The following P3H2 variants were observed in gnomAD, a reference collection of about 807,000 sequenced individuals.
P3H2 encodes leprecan-like 1.
Under a neutral mutation model 87.0 loss-of-function variants are expected in P3H2, and 80 were observed. The ratio of observed to expected loss-of-function variants is 0.92; its 90% CI spans 0.77 to 1.11. The LOEUF (loss-of-function observed/expected upper bound fraction) is 1.11, where lower values mean the gene tolerates loss of function less well. P3H2 is among the 50% of genes least tolerant of loss of function. The pLI is 0.00. For missense variants in P3H2, 1,001 were observed against 923.9 expected (o/e 1.08, Z -1.08); for synonymous variants, 367 against 359.3 (o/e 1.02, Z -0.24).
upstream of P3H2, chr3:190,121,508 T>C (rs938513): frequency 0.35 from 53,126 of 151,778 alleles, 9,677 homozygotes; most frequent in African/African-American, 0.47. Flanking sequence ...GCTTACCGCT[T>C]CTTCTCTTGG....
intron 1 of P3H2, among the ~76,000 whole-genome samples, chr3:190,023,570 G>A (rs1257065432): frequency 6.6e-6 from 1 of 152,092 alleles, no homozygotes; most frequent in Admixed American, 6.5e-5. Flanking sequence ...AACAGCATGG[G>A]GAAAACTGCC....
In P3H2 at chr3:190,120,751, C is replaced by G; in HGVS notation, c.-20G>C. On this transcript the variant is annotated 5_prime_UTR_variant, in exon 1 of 15. Transcript: ENST00000319332. The stretch of plus-strand genomic sequence containing the variant: ...CCGCATCCTCCGCCTCAGAGAGGCG[C>G]GGGACGGTTACGCTCGAGAGGGCTT... The G allele has an allele frequency of 6.6e-7, 1 of 1,516,702 alleles. No individual in the cohort carries two copies. The highest frequency in any genetic ancestry group is 8.8e-7 in the Non-Finnish European group (1 of 1,139,644). The allele number at this position is 1,516,702 out of a possible 1,614,324, so 94.0% of individuals were successfully genotyped here. A position where few individuals can be genotyped will look rare whatever the true frequency, so the allele number is the denominator to read the frequency against.
intron 14 of P3H2, among the ~76,000 whole-genome samples, chr3:189,962,733 A>G (rs1722855072): frequency 6.6e-6 from 1 of 152,196 alleles, no homozygotes; most frequent in African/African-American, 2.4e-5. Flanking sequence ...CTTTTGTAAA[A>G]TATGTGAAAG....
At chr3:190,115,356 T>C (rs1423566086) in intron 1 of P3H2, among the ~76,000 whole-genome samples, 1 of 151,794 alleles carries the variant, frequency 6.6e-6, no homozygotes, top group African/African-American at 2.4e-5. Flanking sequence ...GGCAAGCTTG[T>C]TTTGAGTAGA....
chr3:190,091,179 G>C (rs1727397525), intron 1 of P3H2, among the ~76,000 whole-genome samples: 1 of 152,154 alleles, frequency 6.6e-6, no homozygotes, highest in Non-Finnish European at 1.5e-5. Flanking sequence ...TTATGTGTTG[G>C]CTTTTAGTAT....
intron 8 of P3H2, 40 bp downstream of exon 8, chr3:189,983,006 C>G: frequency 6.8e-7 from 1 of 1,473,288 alleles, no homozygotes; most frequent in Non-Finnish European, 9.5e-7. Flanking sequence ...CCATCTTCCC[C>G]TTCCCCTCCT....
chr3:190,120,232 G>T lies in P3H2; in HGVS notation c.480+20C>A, dbSNP rs146592167. On this transcript the variant is annotated intron_variant, in intron 1 of 14. Transcript: ENST00000319332. ...TGAGAGCCGCAGGGGCTTTGCAGTGGAGGAGCGCTCTGTGGGTACCTTGAT... is the reference window on the plus strand; with the variant it reads ...TGAGAGCCGCAGGGGCTTTGCAGTGTAGGAGCGCTCTGTGGGTACCTTGAT... The T allele has an allele frequency of 1.9e-6, 3 of 1,606,548 alleles. No homozygotes were observed. In the Admixed American group the frequency reaches 5.1e-5, roughly 27 times the overall value.
At chr3:190,051,675 T>G (rs1054243853) in intron 1 of P3H2, among the ~76,000 whole-genome samples, 17 of 152,260 alleles carry the variant, frequency 1.1e-4, no homozygotes, top group African/African-American at 4.1e-4. Context: ...AATACTTGTT[T>G]GTCATTTTTA....
intron 1 of P3H2, among the ~76,000 whole-genome samples, chr3:190,098,277 A>T (rs982372721): frequency 2.0e-5 from 3 of 152,188 alleles, no homozygotes; most frequent in African/African-American, 7.2e-5. Context: ...TTTCCAAAAA[A>T]TGTATGACTT....
intron 1 of P3H2, among the ~76,000 whole-genome samples, chr3:189,997,435 A>C (rs1472078524): frequency 6.6e-6 from 1 of 152,220 alleles, no homozygotes; most frequent in Non-Finnish European, 1.5e-5. Context: ...GTTGCTGAAC[A>C]ATATAAAATC....
intron 12 of P3H2, 138 bp from the exon 13 acceptor site, chr3:189,971,029 C>T (rs1723163500): frequency 1.6e-6 from 1 of 620,688 alleles, no homozygotes; most frequent in African/African-American, 1.8e-5. Context: ...ATAATTGGTC[C>T]TCCAAACTCT....
At chr3:190,027,147 TG>T (rs1454856846) in intron 1 of P3H2, among the ~76,000 whole-genome samples, 1 of 152,168 alleles carries the variant, frequency 6.6e-6, no homozygotes, top group Non-Finnish European at 1.5e-5. Flanking sequence ...ACCAAACAAA[TG>T]GGTTGGAAAT....
chr3:190,006,559 G>T (rs1457259593), intron 1 of P3H2, among the ~76,000 whole-genome samples: 1 of 152,148 alleles, frequency 6.6e-6, no homozygotes, highest in Non-Finnish European at 1.5e-5. Flanking sequence ...AGCCCAGTTA[G>T]GACAAGAAGA....
chr3:189,972,899 G>T lies in P3H2; in HGVS notation c.1674C>A (p.His558Gln), dbSNP rs754734158. The T allele has an allele frequency of 1.2e-6, 2 of 1,614,092 alleles. No homozygotes were observed. The highest frequency in any genetic ancestry group is 1.7e-6 in the Non-Finnish European group (2 of 1,179,974). The change falls in exon 11 of 15, where the codon CAC (histidine) becomes CAA (glutamine). Residue 558 changes from histidine (H) to glutamine (Q), a missense_variant. Physicochemically the swap from His to Gln is conservative, Grantham distance 24. Transcript: ENST00000319332. ...CAGACAGGGCTGTTCGGCAGACCAT[G>T]TGTGTATAGGAAAAATACAGAGTTG... The part of the protein sequence containing the change: ...LNSTLYFSYT[H>Q]MVCRTALSGQ...
intron 1 of P3H2, among the ~76,000 whole-genome samples, chr3:190,014,382 G>T (rs1305497693): frequency 6.6e-6 from 1 of 152,196 alleles, no homozygotes; most frequent in Non-Finnish European, 1.5e-5. Context: ...GAGAAGTAAG[G>T]CTCTACCTAA....
At chr3:190,065,540 C>A (rs1200154488) in intron 1 of P3H2, among the ~76,000 whole-genome samples, 1 of 152,112 alleles carries the variant, frequency 6.6e-6, no homozygotes, top group East Asian at 1.9e-4. Flanking sequence ...TCAGTAACGA[C>A]ATAGAGATTT....
intron 1 of P3H2, among the ~76,000 whole-genome samples, chr3:190,066,158 T>TATATACACACACACACACACACAC (rs1256956930): frequency 3.0e-5 from 4 of 134,600 alleles, no homozygotes; most frequent in African/African-American, 1.2e-4. Context: ...TATATATATA[T>TATATACACACACACACACACACAC]ACACACACAC....
In P3H2 at chr3:189,965,831, C is replaced by G. The variant is rs577435720; in HGVS notation, c.1894-1733G>C. ...TGAAACCCCGTCTCTACTAAAAATA[C>G]AAAAATTAGCCAGATGTGTTGGTGG... On this transcript the variant is annotated intron_variant, in intron 13 of 14. Transcript: ENST00000319332. Among the ~76,000 whole-genome samples the G allele has an allele frequency of 2.0e-5, 3 of 151,814 alleles. No homozygotes were observed. In the South Asian group the frequency reaches 6.3e-4, roughly 32 times the overall value.
chr3:190,055,563 C>A (rs116702008), intron 1 of P3H2, among the ~76,000 whole-genome samples: 2,986 of 148,072 alleles, frequency 0.02, 112 homozygotes, highest in African/African-American at 0.071. Flanking sequence ...TCGCTGAATA[C>A]CAAAAAGTGA....
Sources: gnomAD v4.1 joint callset for allele counts (sites outside exome capture counted in the v4.1 genomes callset) on GRCh38, gnomAD v4.1.1 for gene constraint, MANE v1.5 for transcripts, NCBI Gene and HGNC (gene_info 2026-07-23, HGNC 2026-07-21) for gene names.